The following ZMYM4 variants were observed in gnomAD, a reference collection of about 807,000 sequenced individuals.
ZMYM4 encodes the protein zinc finger MYM-type protein 4.
ZMYM4 carries 31 observed loss-of-function variants against 183.2 expected under a neutral mutation model. The observed-to-expected ratio is 0.17, with a 90% CI of 0.13 to 0.23. ZMYM4 has a LOEUF of 0.23. ZMYM4 is among the 10% of genes least tolerant of loss of function. ZMYM4 has a pLI of 1.00. For missense variants in ZMYM4, 1,273 were observed against 1,840.3 expected (o/e 0.69, Z 5.64); for synonymous variants, 592 against 631.2 (o/e 0.94, Z 0.93).
At chr1:35,367,492 G>A (rs937875728) in intron 5 of ZMYM4, among the ~76,000 whole-genome samples, 1 of 152,010 alleles carries the variant, frequency 6.6e-6, no homozygotes, top group African/African-American at 2.4e-5. Flanking sequence ...GCCTCCCAAG[G>A]TGATTGGATT....
At chr1:35,312,938 G>C (rs1190243562) in intron 1 of ZMYM4, among the ~76,000 whole-genome samples, 1 of 152,170 alleles carries the variant, frequency 6.6e-6, no homozygotes, top group African/African-American at 2.4e-5. Flanking sequence ...CTGTCACCCG[G>C]ATTGGAGTGC....
chr1:35,275,584 A>G (rs568856094), intron 1 of ZMYM4, among the ~76,000 whole-genome samples: 3 of 152,314 alleles, frequency 2.0e-5, no homozygotes, highest in South Asian at 2.1e-4. Context: ...TTCAGTTTCT[A>G]TGGATACTTA....
intron 5 of ZMYM4, among the ~76,000 whole-genome samples, chr1:35,363,971 T>G (rs1265369692): frequency 2.0e-5 from 3 of 152,164 alleles, no homozygotes; most frequent in East Asian, 3.8e-4. Flanking sequence ...AAAAGGCACT[T>G]AGAGCATAAA....
intron 7 of ZMYM4, among the ~76,000 whole-genome samples, chr1:35,372,592 A>G (rs1207672449): frequency 6.6e-6 from 1 of 152,196 alleles, no homozygotes; most frequent in South Asian, 2.1e-4. Flanking sequence ...CACAGTGTGT[A>G]TGTGTATACA....
rs984695830 is a variant in ZMYM4, at chr1:35,376,585, G to A, written c.1182-4674G>A. Among the ~76,000 whole-genome samples the A allele has an allele frequency of 2.6e-5, 4 of 152,098 alleles. No individual in the cohort carries two copies. The Middle Eastern group carries it at 0.014, about 517-fold the overall frequency. ...TGTTGCCAGGCTGGAATGCAGTGGC[G>A]TGATCTTGGCTCACTGCAACCTCTG... is the stretch of plus-strand genomic sequence containing the variant. On this transcript the variant is annotated intron_variant, in intron 7 of 29. Transcript: ENST00000314607.
At chr1:35,410,632 G>A (rs1464024475) in intron 26 of ZMYM4, among the ~76,000 whole-genome samples, 1 of 151,140 alleles carries the variant, frequency 6.6e-6, no homozygotes, top group East Asian at 1.9e-4. Flanking sequence ...GGGACTACAG[G>A]CGCCTGCCAC....
intron 1 of ZMYM4, among the ~76,000 whole-genome samples, chr1:35,301,731 T>G (rs992794582): frequency 9.9e-5 from 15 of 152,160 alleles, no homozygotes; most frequent in Non-Finnish European, 1.8e-4. Flanking sequence ...GAGAGTACTC[T>G]GCAGATCTCT....
intron 26 of ZMYM4, among the ~76,000 whole-genome samples, chr1:35,412,839 TAGCC>T (rs1005607616): frequency 1.3e-5 from 2 of 152,150 alleles, no homozygotes; most frequent in African/African-American, 4.8e-5. Flanking sequence ...TAATTTTTGT[TAGCC>T]AGAATAAATT....
chr1:35,345,183 T>G (rs1570400246), intron 2 of ZMYM4, among the ~76,000 whole-genome samples: 1 of 152,356 alleles, frequency 6.6e-6, no homozygotes, highest in Middle Eastern at 3.4e-3. Context: ...GCCTCTTGGC[T>G]AAGATCAAGT....
intron 1 of ZMYM4, among the ~76,000 whole-genome samples, chr1:35,298,218 G>A (rs1641112800): frequency 6.6e-6 from 1 of 152,206 alleles, no homozygotes; most frequent in Admixed American, 6.5e-5. Flanking sequence ...ATAAAAGTCA[G>A]TAGGATGGTG....
At chr1:35,387,635 G>A (rs1644605645) in intron 13 of ZMYM4, 31 bp downstream of exon 13, 2 of 1,578,134 alleles carry the variant, frequency 1.3e-6, no homozygotes, top group Non-Finnish European at 1.7e-6. Context: ...TACCTACTGA[G>A]CATGTTGGTT....
intron 28 of ZMYM4, among the ~76,000 whole-genome samples, chr1:35,417,889 G>A (rs1247575286): frequency 3.3e-5 from 5 of 152,086 alleles, no homozygotes; most frequent in African/African-American, 1.2e-4. Context: ...GCAGGCGCCT[G>A]TAATCCCAGC....
chr1:35,363,439 C>T (rs1643992981), intron 5 of ZMYM4, among the ~76,000 whole-genome samples: 1 of 152,140 alleles, frequency 6.6e-6, no homozygotes, highest in South Asian at 2.1e-4. Flanking sequence ...CCAGTAGCAG[C>T]CTCCTCCCTT....
chr1:35,413,151 T>C (rs1043020043), intron 26 of ZMYM4, among the ~76,000 whole-genome samples: 12 of 151,878 alleles, frequency 7.9e-5, no homozygotes, highest in Non-Finnish European at 1.2e-4. Context: ...CAAACAACCC[T>C]CCTGCCTCAG....
chr1:35,376,482 A>C (rs2148952023), intron 7 of ZMYM4, among the ~76,000 whole-genome samples: 1 of 152,188 alleles, frequency 6.6e-6, no homozygotes, highest in African/African-American at 2.4e-5. Flanking sequence ...TTCTTCATTT[A>C]TATTTTTATG....
At position 35,392,698 on chromosome 1, in the gene ZMYM4, C is replaced by G. The variant is rs747675271; in HGVS notation, c.2766+14C>G. The G allele has an allele frequency of 1.6e-5, 25 of 1,587,008 alleles. No individual in the cohort carries two copies. Among genetic ancestry groups the G allele is most frequent in the Middle Eastern group, 1.7e-4 (1 of 6,000 alleles). On this transcript the variant is annotated intron_variant, in intron 17 of 29. Transcript: ENST00000314607. ...ATCATCGGTGATGTAAGTTTTATTA[C>G]TTTTATTGGTATTGTCACTGTATTT...
intron 26 of ZMYM4, among the ~76,000 whole-genome samples, chr1:35,413,333 A>C (rs1027589441): frequency 1.3e-5 from 2 of 152,166 alleles, no homozygotes; most frequent in Admixed American, 6.5e-5. Context: ...TTCCTGGCTC[A>C]ATACATTTTT....
intron 1 of ZMYM4, among the ~76,000 whole-genome samples, chr1:35,300,585 TTTTC>T (rs1641234879): frequency 1.3e-5 from 2 of 152,302 alleles, no homozygotes; most frequent in East Asian, 3.9e-4. Flanking sequence ...AGCTCACTAA[TTTTC>T]TTTAGCCTTT....
At chr1:35,337,086 C>T (rs748099180) in intron 2 of ZMYM4, among the ~76,000 whole-genome samples, 13 of 152,088 alleles carry the variant, frequency 8.5e-5, no homozygotes, top group African/African-American at 2.4e-4. Context: ...GGGCCGGGCA[C>T]GGTGGCTCAC....
Sources: gnomAD v4.1 joint callset for allele counts (sites outside exome capture counted in the v4.1 genomes callset) on GRCh38, gnomAD v4.1.1 for gene constraint, MANE v1.5 for transcripts, NCBI Gene and HGNC (gene_info 2026-07-23, HGNC 2026-07-21) for gene names.